The following CPT1C variants were observed in gnomAD, a reference collection of about 807,000 sequenced individuals.
CPT1C encodes the protein palmitoyl thioesterase CPT1C.
CPT1C carries 61 observed loss-of-function variants against 97.3 expected under a neutral mutation model. The ratio of observed to expected loss-of-function variants is 0.63; its 90% CI spans 0.51 to 0.78. The LOEUF is 0.78. Ranked by LOEUF, CPT1C falls within the 30% of genes least tolerant of loss-of-function variation. CPT1C has a pLI of 0.00. For missense variants in CPT1C, 975 were observed against 1,065.5 expected (o/e 0.92, Z 1.18); for synonymous variants, 469 against 447.2 (o/e 1.05, Z -0.61).
chr19:49,700,985 C>T, intron 5 of CPT1C, 130 bp downstream of exon 5: 1 of 969,178 alleles, frequency 1.0e-6, no homozygotes, highest in Non-Finnish European at 1.5e-6. Flanking sequence ...CCCTCTCTTT[C>T]TGGGTCTCTG....
intron 3 of CPT1C, among the ~76,000 whole-genome samples, chr19:49,694,975 C>G (rs939352012): frequency 6.6e-6 from 1 of 151,954 alleles, no homozygotes; most frequent in Non-Finnish European, 1.5e-5. Flanking sequence ...TCCGTCTCTA[C>G]TAAACATACA....
At chr19:49,694,077 AATAAAAT>A (rs2082507384) in intron 3 of CPT1C, among the ~76,000 whole-genome samples, 3 of 130,620 alleles carry the variant, frequency 2.3e-5, no homozygotes, top group East Asian at 2.0e-4. Flanking sequence ...AAAAAAATAA[AATAAAAT>A]AAAAAATAAA....
chr19:49,692,641 C>G (rs2082419959), intron 3 of CPT1C, among the ~76,000 whole-genome samples: 1 of 152,210 alleles, frequency 6.6e-6, no homozygotes, highest in South Asian at 2.1e-4. Flanking sequence ...CTGGGCCCCC[C>G]AAAAACTACC....
intron 15 of CPT1C, 54 bp from the exon 16 acceptor site, chr19:49,710,669 G>A: frequency 5.6e-6 from 9 of 1,594,246 alleles, no homozygotes; most frequent in Non-Finnish European, 6.9e-6. Flanking sequence ...GGTCAAGTCT[G>A]TAAGATCTCC....
Position 49,701,596 on chromosome 19 carries a change from T to C in CPT1C, c.655T>C (p.Trp219Arg), listed in dbSNP as rs1196036307. 4.3e-6 allele frequency: 7 copies of C among 1,610,446 alleles called. 1 individual carries two copies. The highest frequency in any genetic ancestry group is 5.9e-6 in the Non-Finnish European group (7 of 1,177,888). The part of the protein sequence containing the change: ...FLRLQASLLQ[W>R]YLRLKSWWAS... ...GAGGCTGCAGGCGTCGCTGCTGCAG[T>C]GGTACCTGCGGCTCAAGTCCTGGTG... The change falls in exon 7 of 20, where the codon TGG (tryptophan) becomes CGG (arginine). Residue 219 changes from tryptophan (W) to arginine (R), a missense_variant. Trp to Arg is a moderately radical substitution (Grantham distance 101). Coordinates refer to ENST00000598293, the MANE Select transcript of CPT1C (RefSeq NM_001199753.2).
intron 14 of CPT1C, 29 bp downstream of exon 14, chr19:49,708,868 C>T: frequency 7.2e-7 from 1 of 1,382,442 alleles, no homozygotes; most frequent in Admixed American, 1.7e-5. Flanking sequence ...GCCTCTCCTC[C>T]AAGTCCCAAG....
In CPT1C at chr19:49,713,464, T is replaced by G. The variant is rs754058972; in HGVS notation, c.2271T>G (p.Asp757Glu). The G allele has an allele frequency of 6.2e-7, 1 of 1,614,172 alleles. No individual in the cohort carries two copies. Among genetic ancestry groups the G allele is most frequent in the Middle Eastern group, 1.6e-4 (1 of 6,062 alleles). ...AGCACATTGAGGACGCACTGCTGGA[T>G]GTGGCCTCCCTGTTCCAGGCGGGAC... ...LGQHIEDALLDVASLFQAGQH... is the reference protein window; with the variant it reads ...LGQHIEDALLEVASLFQAGQH... The change falls in exon 20 of 20, where the codon GAT (aspartate) becomes GAG (glutamate). Residue 757 changes from aspartate to glutamate, a missense_variant. Asp to Glu is a conservative substitution (Grantham distance 45). This residue lies in a region of CPT1C where 344 missense variants were observed against 395.7 expected (regional missense o/e 0.87). Coordinates refer to ENST00000598293, the MANE Select transcript of CPT1C (RefSeq NM_001199753.2).
At chr19:49,701,253 C>A in intron 5 of CPT1C, 64 bp from the exon 6 acceptor site, 1 of 1,416,230 alleles carries the variant, frequency 7.1e-7, no homozygotes, top group African/African-American at 1.4e-5. Context: ...CACTGTCGAC[C>A]CCTGCCCCGT....
chr19:49,692,716 C>T (rs2082423442), intron 3 of CPT1C, among the ~76,000 whole-genome samples: 1 of 152,154 alleles, frequency 6.6e-6, no homozygotes, highest in Non-Finnish European at 1.5e-5. Flanking sequence ...TTCCTTTCAT[C>T]TCCAGCTTCT....
intron 7 of CPT1C, 97 bp downstream of exon 7, chr19:49,701,731 G>A (rs2083074464): frequency 1.4e-6 from 2 of 1,385,182 alleles, no homozygotes; most frequent in Non-Finnish European, 1.9e-6. Context: ...CCCACGACAC[G>A]CCCACAACCC....
In CPT1C at chr19:49,713,407, G is replaced by C. The variant is rs1239621999; in HGVS notation, c.2227-13G>C. The C allele has an allele frequency of 1.2e-6, 2 of 1,606,486 alleles. No individual in the cohort carries two copies. The highest frequency in any genetic ancestry group is 1.3e-5 in the African/African-American group (1 of 74,930). On this transcript the variant is annotated splice_polypyrimidine_tract_variant and intron_variant, in intron 19 of 19. Coordinates refer to ENST00000598293, the MANE Select transcript of CPT1C (RefSeq NM_001199753.2). ...TCCCAGCTTCCCCTGGCTCTGACCT[G>C]TTCTCCTTCCAGGATTCCCACAGGC...
In CPT1C at chr19:49,704,734, G is replaced by T; in HGVS notation, c.718G>T (p.Val240Leu). ...GGTCAGTGACTGGTGGGAGGAATTTGTGTACCTGCGCTCCCGAAATCCGCT... is the reference window on the plus strand; with the variant it reads ...GGTCAGTGACTGGTGGGAGGAATTTTTGTACCTGCGCTCCCGAAATCCGCT... ...NYVSDWWEEFVYLRSRNPLMV... is the reference protein window; with the variant it reads ...NYVSDWWEEFLYLRSRNPLMV... The change falls in exon 8 of 20, where the codon GTG becomes TTG. Residue 240 changes from valine to leucine, a missense_variant. By Grantham distance (32) the Val-to-Leu change is conservative (BLOSUM62 1). Transcript: ENST00000598293. The T allele has an allele frequency of 6.2e-7, 1 of 1,613,932 alleles. No individual in the cohort carries two copies. The highest frequency in any genetic ancestry group is 8.5e-7 in the Non-Finnish European group (1 of 1,179,946).
chr19:49,697,831 T>C (rs2082754928), intron 4 of CPT1C: 1 of 186,366 alleles, frequency 5.4e-6, no homozygotes, highest in Admixed American at 6.2e-5. Flanking sequence ...GTGGATCAAC[T>C]GAGATCAGGA....
At chr19:49,710,910 C>T in intron 16 of CPT1C, 53 bp downstream of exon 16, 2 of 1,556,564 alleles carry the variant, frequency 1.3e-6, no homozygotes, top group Non-Finnish European at 1.8e-6. Flanking sequence ...CTCACTCATC[C>T]ACTTGCAAAC....
chr19:49,691,533 C>G (rs982411546), intron 1 of CPT1C, 193 bp downstream of exon 1: 4 of 152,062 alleles, frequency 2.6e-5, no homozygotes, highest in Admixed American at 2.0e-4. Flanking sequence ...GGGGAGGGGA[C>G]GCTGAGCGGA....
Position 49,696,636 on chromosome 19 carries a change from C to CT in CPT1C, c.142-677dup, listed in dbSNP as rs113941003. The CT allele has an allele frequency of 1.7e-3, 232 of 136,794 alleles. 1 individual carries two copies. The highest frequency in any genetic ancestry group is 2.9e-3 in the East Asian group (14 of 4,760). 8.5% of individuals were successfully genotyped at this position (136,794 alleles called of 1,614,324 possible). ...CACTGCGCCTAATTTTTTTTTCTTT[C>CT]TTTTTTTTTTTTTGGAGACCTTGTC... On this transcript the variant is annotated intron_variant, in intron 3 of 19. Transcript: ENST00000598293.
At chr19:49,701,441 G>GGGCTGGGGC (rs1467479579) in intron 6 of CPT1C, 23 bp downstream of exon 6, 12 of 1,589,732 alleles carry the variant, frequency 7.5e-6, no homozygotes, top group Non-Finnish European at 1.0e-5. Flanking sequence ...GCGCGCAGAC[G>GGGCTGGGGC]GGCTGGGGCG....
intron 6 of CPT1C, 33 bp downstream of exon 6, chr19:49,701,451 G>A (rs1253416269): frequency 4.4e-6 from 7 of 1,586,028 alleles, no homozygotes; most frequent in African/African-American, 1.3e-5. Flanking sequence ...GGGCTGGGGC[G>A]GCCGGGGCGG....
rs1328292002 is a variant in CPT1C at position 49,700,257 on chromosome 19, C to CAAAA, written c.282-426_282-423dup. Among the ~76,000 whole-genome samples, 18 of 108,212 alleles carry CAAAA rather than the reference C, an allele frequency of 1.7e-4. 1 individual carries two copies. The highest frequency in any genetic ancestry group is 1.2e-3 in the Admixed American group (14 of 11,336). The allele number at this position is 108,212 out of a possible 152,430, so 71.0% of individuals were successfully genotyped here. A position where few individuals can be genotyped will look rare whatever the true frequency, so the allele number is the denominator to read the frequency against. On this transcript the variant is annotated intron_variant, in intron 4 of 19. Coordinates refer to ENST00000598293, the MANE Select transcript of CPT1C (RefSeq NM_001199753.2). ...GCGAGACTCCATCCCAAAAACAAAACAAAACAAAAAAAAAAACGCTGATTG... is the reference window on the plus strand; with the variant it reads ...GCGAGACTCCATCCCAAAAACAAAACAAAAAAAACAAAAAAAAAAACGCTGATTG...
Sources: allele counts gnomAD v4.1 joint callset (sites outside exome capture counted in the v4.1 genomes callset), GRCh38; gene constraint gnomAD v4.1.1; regional missense constraint gnomAD v4.1.1; transcripts MANE v1.5; gene names NCBI Gene and HGNC (gene_info 2026-07-23, HGNC 2026-07-21).